Variants in NAV2 observed in about 807,000 individuals in gnomAD.
The protein encoded by NAV2 is neuron navigator 2.
Under a neutral mutation model 223.2 loss-of-function variants are expected in NAV2, and 54 were observed. The observed-to-expected ratio is 0.24, with a 90% CI of 0.19 to 0.30. The LOEUF is 0.30. Ranked by LOEUF, NAV2 falls within the 10% of genes least tolerant of loss-of-function variation. The probability of loss-of-function intolerance (pLI) is 1.00; values close to 1 mark genes in which losing one functional copy is unlikely to be tolerated. For synonymous variants in NAV2, 1,279 were observed against 1,239.3 expected (o/e 1.03, Z -0.67); for missense variants, 2,806 against 3,147.5 (o/e 0.89, Z 2.60).
intron 1 of NAV2, among the ~76,000 whole-genome samples, chr11:19,487,858 CAAA>C (rs2042497275): frequency 2.7e-4 from 1 of 3,700 alleles, no homozygotes; most frequent in African/African-American, 2.8e-4. Flanking sequence ...TAAGAGACCC[CAAA>C]GTACAAAGTA....
chr11:20,115,017 AT>A (rs1274662290), intron 37 of NAV2, among the ~76,000 whole-genome samples: 2 of 152,172 alleles, frequency 1.3e-5, no homozygotes, highest in Non-Finnish European at 2.9e-5. Context: ...TAGATAACAG[AT>A]TAAGAATTGA....
chr11:19,367,426 C>T (rs765445526), intron 1 of NAV2, among the ~76,000 whole-genome samples: 10 of 152,162 alleles, frequency 6.6e-5, no homozygotes, highest in Non-Finnish European at 1.3e-4. Flanking sequence ...AGAATTCAAG[C>T]CAAGTCTTAC....
At chr11:19,888,012 G>A (rs2041171412) in intron 5 of NAV2, among the ~76,000 whole-genome samples, 1 of 151,828 alleles carries the variant, frequency 6.6e-6, no homozygotes, top group South Asian at 2.1e-4. Context: ...TGCACTCGTA[G>A]GTTATGTGCT....
At chr11:19,875,147 A>ACT (rs1479048766) in intron 4 of NAV2, among the ~76,000 whole-genome samples, 2 of 152,154 alleles carry the variant, frequency 1.3e-5, no homozygotes, top group Non-Finnish European at 2.9e-5. Flanking sequence ...ACAAAGTGAG[A>ACT]CTCTGTCTCA....
At chr11:19,936,388 A>T (rs1465932804) in intron 7 of NAV2, among the ~76,000 whole-genome samples, 1 of 152,170 alleles carries the variant, frequency 6.6e-6, no homozygotes, top group Non-Finnish European at 1.5e-5. Flanking sequence ...TAAAAGATAT[A>T]ACCTTTTTTT....
intron 1 of NAV2, among the ~76,000 whole-genome samples, chr11:19,640,723 G>A (rs945285500): frequency 6.6e-6 from 1 of 152,202 alleles, no homozygotes. Flanking sequence ...GCTGGACTGT[G>A]AGCTAAGAGA....
In NAV2 at chr11:19,998,250, T is replaced by C. The variant is rs1027002540; in HGVS notation, c.2768+14003T>C. ...ATCTCTCAGCTTCTCTCTGTCTCTG[T>C]GTTTCTCCCTGTCTCTCTGCTTCTC... On this transcript the variant is annotated intron_variant, in intron 11 of 37. Transcript: ENST00000349880. This position sits in a 1 kb window ranked among gnomAD's most constrained non-coding sequence, Gnocchi z 5.0. 3.9e-5 allele frequency among the ~76,000 whole-genome samples: 6 copies of C among 151,984 alleles called. No homozygotes were observed. The South Asian group carries it at 1.2e-3, about 32-fold the overall frequency.
Position 19,916,744 on chromosome 11 carries a change from GGT to G in NAV2, c.932-16430_932-16429del, listed in dbSNP as rs1461877939. On this transcript the variant is annotated intron_variant, in intron 6 of 37. Transcript: ENST00000349880. Reference sequence around the variant, plus strand: ...GGACTTCGAGGGCCATGGGGTCTCTGGTGCAGCTATTCAATATGTAAATGAAT... The same window carrying G: ...GGACTTCGAGGGCCATGGGGTCTCTGGCAGCTATTCAATATGTAAATGAAT... Among the ~76,000 whole-genome samples the G allele has an allele frequency of 4.6e-5, 7 of 152,328 alleles. No individual in the cohort carries two copies. In the South Asian group the frequency reaches 1.4e-3, roughly 32 times the overall value.
intron 1 of NAV2, among the ~76,000 whole-genome samples, chr11:19,660,608 CCTA>C (rs1226212889): frequency 3.9e-5 from 6 of 152,172 alleles, no homozygotes; most frequent in Non-Finnish European, 5.9e-5. Context: ...GTTTCAGACA[CCTA>C]GACAGCGTTC....
chr11:19,745,478 A>G (rs2053259211), intron 1 of NAV2, among the ~76,000 whole-genome samples: 1 of 151,546 alleles, frequency 6.6e-6, no homozygotes, highest in Non-Finnish European at 1.5e-5. Flanking sequence ...AGCCCTCCAC[A>G]CACCTGCTTC....
chr11:19,935,143 G>A (rs781071418), intron 7 of NAV2, among the ~76,000 whole-genome samples: 3 of 152,226 alleles, frequency 2.0e-5, no homozygotes, highest in Non-Finnish European at 4.4e-5. Flanking sequence ...TGCCCTTAAA[G>A]TTCTTATCAT....
chr11:19,372,943 C>A (rs920323155), intron 1 of NAV2, among the ~76,000 whole-genome samples: 5 of 152,164 alleles, frequency 3.3e-5, no homozygotes, highest in African/African-American at 1.2e-4. Flanking sequence ...TCACTGATTT[C>A]TCGTTTTTAA....
At chr11:19,614,298 C>T (rs1282631968) in intron 1 of NAV2, among the ~76,000 whole-genome samples, 1 of 152,128 alleles carries the variant, frequency 6.6e-6, no homozygotes, top group Admixed American at 6.5e-5. Flanking sequence ...CGCGAGACAC[C>T]TCCTGGAAAC....
At chr11:19,550,485 G>A (rs2134642098) in intron 1 of NAV2, among the ~76,000 whole-genome samples, 1 of 152,352 alleles carries the variant, frequency 6.6e-6, no homozygotes, top group East Asian at 1.9e-4. Context: ...GCCCACAGAG[G>A]TCAAGGGGCT....
chr11:20,028,677 G>C (rs1427906652), intron 11 of NAV2, among the ~76,000 whole-genome samples: 1 of 152,182 alleles, frequency 6.6e-6, no homozygotes, highest in East Asian at 1.9e-4. Context: ...CTTCTGATGA[G>C]CTCTGCGTCC....
intron 1 of NAV2, among the ~76,000 whole-genome samples, chr11:19,502,010 C>T (rs61876896): frequency 0.12 from 17,558 of 152,136 alleles, 1,166 homozygotes; most frequent in East Asian, 0.22. Flanking sequence ...CTCCTAAAAG[C>T]GTCTTGAGAC....
intron 6 of NAV2, among the ~76,000 whole-genome samples, chr11:19,901,523 G>C (rs2042443912): frequency 6.6e-6 from 1 of 152,168 alleles, no homozygotes; most frequent in African/African-American, 2.4e-5. Context: ...CTTCCTCCTA[G>C]GCAACAGAGC....
chr11:19,898,195 G>A (rs4757856), intron 6 of NAV2, among the ~76,000 whole-genome samples: 2 of 151,692 alleles, frequency 1.3e-5, no homozygotes, highest in Non-Finnish European at 2.9e-5. Flanking sequence ...TGAATAATAC[G>A]GTTTTCTTCA....
At chr11:19,859,556 G>C (rs1429464494) in intron 3 of NAV2, among the ~76,000 whole-genome samples, 1 of 151,424 alleles carries the variant, frequency 6.6e-6, no homozygotes, top group Non-Finnish European at 1.5e-5. Context: ...ACACAGACAC[G>C]GCAACCATCC....
Sources: allele counts gnomAD v4.1 joint callset (sites outside exome capture counted in the v4.1 genomes callset), GRCh38; gene constraint gnomAD v4.1.1; non-coding constraint Gnocchi (gnomAD v3.1); transcripts MANE v1.5; gene names NCBI Gene and HGNC (gene_info 2026-07-23, HGNC 2026-07-21).